Variants in KDELR1 observed in about 807,000 individuals in gnomAD.
KDELR1 encodes KDEL endoplasmic reticulum protein retention receptor 1.
In KDELR1, 16 loss-of-function variants were observed where a neutral mutation model predicts 25.5. The observed-to-expected ratio is 0.63, with a 90% CI of 0.43 to 0.95. KDELR1 has a LOEUF of 0.95. Among genes scored for constraint, KDELR1 ranks in the 40% least tolerant of loss-of-function variants. The pLI is 0.00. For synonymous variants in KDELR1, 121 were observed against 115.0 expected (o/e 1.05, Z -0.33); for missense variants, 159 against 265.2 (o/e 0.60, Z 2.78).
In KDELR1 at chr19:48,391,420, G is replaced by A. The variant is rs925107096; in HGVS notation, c.-62C>T. On this transcript the variant is annotated 5_prime_UTR_variant, in exon 1 of 5. Transcript: ENST00000330720. ...GCAGGCTGGCGGGGGGGTGCCCCCC[G>A]AGGCTGCTGGTCTGAACGGGTAGCT... 13 of 1,354,026 alleles carry A rather than the reference G, an allele frequency of 9.6e-6. No individual in the cohort carries two copies. The highest frequency in any genetic ancestry group is 7.2e-5 in the African/African-American group (5 of 69,054). The allele number at this position is 1,354,026 out of a possible 1,614,324, so 83.9% of individuals were successfully genotyped here.
chr19:48,386,663 G>T (rs1436266806), intron 3 of KDELR1, among the ~76,000 whole-genome samples: 2 of 151,068 alleles, frequency 1.3e-5, no homozygotes, highest in Non-Finnish European at 2.9e-5. Context: ...GGCCAGGCTG[G>T]TCTTGAACCC....
At chr19:48,391,190 AC>A (rs1970546673) in intron 1 of KDELR1, 77 bp downstream of exon 1, 1 of 1,303,594 alleles carries the variant, frequency 7.7e-7, no homozygotes, top group Non-Finnish European at 1.1e-6. Flanking sequence ...GTGCCCCCAA[AC>A]CCTTCCTGAG....
chr19:48,393,761 G>GCCCGCAGCCT (rs970668065), upstream of KDELR1, among the ~76,000 whole-genome samples: 2 of 152,128 alleles, frequency 1.3e-5, no homozygotes, highest in Admixed American at 6.5e-5. This position sits in a 1 kb window ranked among gnomAD's most constrained non-coding sequence, Gnocchi z 5.6. Flanking sequence ...CGCCACCCTC[G>GCCCGCAGCCT]CCCGCAGCCT....
intron 3 of KDELR1, chr19:48,387,698 A>G (rs1390151621): frequency 6.6e-6 from 1 of 151,984 alleles, no homozygotes; most frequent in Non-Finnish European, 1.5e-5. Context: ...AAAAAAAAAA[A>G]AAAAAAAGAA....
At chr19:48,390,545 A>AG in intron 1 of KDELR1, 21 bp from the exon 2 acceptor site, 3 of 1,218,876 alleles carry the variant, frequency 2.5e-6, no homozygotes, top group Non-Finnish European at 3.4e-6. Flanking sequence ...GAGACAGAGA[A>AG]AGAGAGAGAG....
chr19:48,391,904 C>T (rs1970559551), upstream of KDELR1, among the ~76,000 whole-genome samples: 1 of 152,100 alleles, frequency 6.6e-6, no homozygotes, highest in African/African-American at 2.4e-5. Flanking sequence ...CTCCAATCCC[C>T]CAGAAGACAA....
rs775348069 is a variant in KDELR1, at chr19:48,390,454, G to A, written c.162C>T (p.Asn54=). Residue 54 remains asparagine (N), a synonymous_variant, in exon 2 of 5, where the codon AAC becomes AAT. Coordinates refer to ENST00000330720, the MANE Select transcript of KDELR1 (RefSeq NM_006801.3). ...FTARYLDLFT[N]YISLYNTCMK... ...TACACGTGTTGTAGAGTGAGATGTA[G>A]TTGGTGAAGAGGTCCAGATATCGGG... The A allele has an allele frequency of 8.1e-6, 13 of 1,613,932 alleles. No homozygotes were observed. The highest frequency in any genetic ancestry group is 5.0e-5 in the Admixed American group (3 of 60,004).
chr19:48,385,994 G>A (rs1038297348), intron 3 of KDELR1, among the ~76,000 whole-genome samples: 1 of 152,100 alleles, frequency 6.6e-6, no homozygotes, highest in African/African-American at 2.4e-5. Flanking sequence ...GTGAAGCCAG[G>A]TTAGTTGATG....
chr19:48,390,577 G>GAGAGAC (rs1555890422), intron 1 of KDELR1, 53 bp from the exon 2 acceptor site: 91 of 980,046 alleles, frequency 9.3e-5, no homozygotes, highest in South Asian at 2.4e-4. Flanking sequence ...GAGAGAGAGA[G>GAGAGAC]AGACAGACAG....
chr19:48,395,743 G>C (rs960294588), upstream of KDELR1, among the ~76,000 whole-genome samples: 1 of 152,070 alleles, frequency 6.6e-6, no homozygotes, highest in African/African-American at 2.4e-5. Flanking sequence ...TCGGTGGGGG[G>C]GCACCCAGGA....
At chr19:48,387,687 G>GAAAAAAAAAAAAAAAAAAAAAAA in intron 3 of KDELR1, 1 of 87,002 alleles carries the variant, frequency 1.1e-5, no homozygotes, top group Non-Finnish European at 2.5e-5. Flanking sequence ...TCTCAAAAAA[G>GAAAAAAAAAAAAAAAAAAAAAAA]AAAAAAAAAA....
intron 2 of KDELR1, among the ~76,000 whole-genome samples, chr19:48,389,970 C>T (rs1459033228): frequency 7.7e-6 from 1 of 129,128 alleles, no homozygotes; most frequent in Non-Finnish European, 1.7e-5. Context: ...AGGCCCCCAA[C>T]CCCTCCTCCC....
At chr19:48,388,723 A>AAAAGGAAG (rs71334294) in intron 3 of KDELR1, among the ~76,000 whole-genome samples, 1 of 128,466 alleles carries the variant, frequency 7.8e-6, no homozygotes, top group Non-Finnish European at 1.6e-5. Context: ...GAAAAGGAAG[A>AAAAGGAAG]AAAGGAAGAA....
At chr19:48,388,682 C>T (rs115765092) in intron 3 of KDELR1, among the ~76,000 whole-genome samples, 2,552 of 134,526 alleles carry the variant, frequency 0.019, 76 homozygotes, top group African/African-American at 0.067. Flanking sequence ...GAGACTTTGT[C>T]GAAAGAGAAA....
At position 48,391,440 on chromosome 19, in the gene KDELR1, G is replaced by A; in HGVS notation, c.-82C>T. 1.8e-6 allele frequency: 2 copies of A among 1,130,950 alleles called. No individual in the cohort carries two copies. The highest frequency in any genetic ancestry group is 2.6e-6 in the Non-Finnish European group (2 of 768,014). 70.1% of individuals were successfully genotyped at this position (1,130,950 alleles called of 1,614,324 possible). On this transcript the variant is annotated 5_prime_UTR_variant, in exon 1 of 5. Transcript: ENST00000330720. ...CCCCCGAGGCTGCTGGTCTGAACGG[G>A]TAGCTGGGCTGGGGGGACGGAAGAG...
chr19:48,393,125 A>G (rs1216693728), upstream of KDELR1, among the ~76,000 whole-genome samples: 1 of 151,920 alleles, frequency 6.6e-6, no homozygotes, highest in African/African-American at 2.4e-5. The surrounding 1 kb of genome is among the most constrained non-coding windows in gnomAD (Gnocchi z 5.6). Flanking sequence ...GGTGGCTTGT[A>G]CGGGGGAGAG....
In KDELR1 at chr19:48,389,711, C is replaced by A. The variant is rs747531560; in HGVS notation, c.193G>T (p.Val65Leu). 1 of 1,613,912 alleles carries A rather than the reference C, an allele frequency of 6.2e-7. No individual in the cohort carries two copies. Among genetic ancestry groups the A allele is most frequent in the South Asian group, 1.1e-5 (1 of 91,084 alleles). ...YISLYNTCMK[V>L]VYIACSFTTV... ...GTGAAGGAGCAGGCTATGTAGACCA[C>A]CTGAGGAGGGGGATGATGAGAAGGG... The change falls in exon 3 of 5, where the codon GTG becomes TTG. Residue 65 changes from valine (V) to leucine (L), a missense_variant and splice_region_variant. By Grantham distance (32) the Val-to-Leu change is conservative. Coordinates refer to ENST00000330720, the MANE Select transcript of KDELR1 (RefSeq NM_006801.3).
rs1482909569 is a variant in KDELR1, at chr19:48,383,066, G to C, written c.*227C>G. The stretch of plus-strand genomic sequence containing the variant: ...AGAATCAAAAACTAAAGAGTGGAAA[G>C]ATTTTTTTTTCTTGTCTAAAAGGCA... On this transcript the variant is annotated 3_prime_UTR_variant, in exon 5 of 5. Coordinates refer to ENST00000330720, the MANE Select transcript of KDELR1 (RefSeq NM_006801.3). The C allele has an allele frequency of 1.6e-5, 9 of 580,426 alleles. No individual in the cohort carries two copies. Among genetic ancestry groups the C allele is most frequent in the Non-Finnish European group, 2.4e-5 (8 of 327,678 alleles). 36.0% of individuals were successfully genotyped at this position (580,426 alleles called of 1,614,324 possible).
At chr19:48,383,594 T>C (rs1970473237) in intron 4 of KDELR1, among the ~76,000 whole-genome samples, 1 of 152,174 alleles carries the variant, frequency 6.6e-6, no homozygotes, top group Non-Finnish European at 1.5e-5. Context: ...CCATGCAGCC[T>C]TGACCTCCTC....
Sources: gnomAD v4.1 joint callset for allele counts (sites outside exome capture counted in the v4.1 genomes callset) on GRCh38, gnomAD v4.1.1 for gene constraint, Gnocchi (gnomAD v3.1) non-coding constraint, MANE v1.5 for transcripts, NCBI Gene and HGNC (gene_info 2026-07-23, HGNC 2026-07-21) for gene names.